RBFOX1: variants seen among roughly 807,000 people sequenced by gnomAD.
RBFOX1 encodes RNA binding fox-1 homolog 1.
RBFOX1 carries 8 observed loss-of-function variants against 57.7 expected under a neutral mutation model. The observed-to-expected ratio is 0.14, with a 90% CI of 0.08 to 0.25. The LOEUF is 0.25. RBFOX1 is among the 10% of genes least tolerant of loss of function. The pLI is 1.00. For missense variants in RBFOX1, 611 were observed against 548.5 expected (o/e 1.11, Z -1.14); for synonymous variants, 326 against 222.4 (o/e 1.47, Z -4.15).
intron 3 of RBFOX1, 133 bp from the exon 4 acceptor site, chr16:7,051,924 A>G (rs538538790): frequency 7.2e-7 from 1 of 1,388,704 alleles, no homozygotes; most frequent in South Asian, 1.3e-5. Context: ...GACCTAAAGA[A>G]AAATTAAATA....
At chr16:7,171,161 T>G (rs1052815314) in intron 4 of RBFOX1, among the ~76,000 whole-genome samples, 1 of 152,208 alleles carries the variant, frequency 6.6e-6, no homozygotes, top group African/African-American at 2.4e-5. Flanking sequence ...CCATTGCCAG[T>G]CGGCAATTGG....
chr16:5,284,512 C>G (rs1240487635), intron 1 of RBFOX1, among the ~76,000 whole-genome samples: 1 of 147,938 alleles, frequency 6.8e-6, no homozygotes, highest in Admixed American at 6.7e-5. Context: ...AACAAACAGT[C>G]TTTTGCTTAT....
chr16:6,729,581 A>G (rs2068034873), intron 3 of RBFOX1, among the ~76,000 whole-genome samples: 1 of 152,138 alleles, frequency 6.6e-6, no homozygotes, highest in Admixed American at 6.5e-5. Flanking sequence ...GAATATTATC[A>G]AAACCCTAGA....
At position 6,889,779 on chromosome 16, in the gene RBFOX1, A is replaced by T. The variant is rs1011157942; in HGVS notation, c.-15-162278A>T. 4.6e-5 allele frequency among the ~76,000 whole-genome samples: 7 copies of T among 152,320 alleles called. 1 individual carries two copies. Among genetic ancestry groups the T allele is most frequent in the Admixed American group, 1.3e-4 (2 of 15,304 alleles). On this transcript the variant is annotated intron_variant, in intron 3 of 15. Coordinates refer to ENST00000550418, the MANE Select transcript of RBFOX1 (RefSeq NM_018723.4). Reference sequence around the variant, plus strand: ...GTGGTAAAAACCAGCATTTTTCCAAAGGTTGGGTGAGATTTTAGGAGTTCT... The same window carrying T: ...GTGGTAAAAACCAGCATTTTTCCAATGGTTGGGTGAGATTTTAGGAGTTCT...
At chr16:6,687,474 A>C (rs1041913886) in intron 3 of RBFOX1, among the ~76,000 whole-genome samples, 7 of 152,174 alleles carry the variant, frequency 4.6e-5, no homozygotes, top group African/African-American at 1.7e-4. Context: ...TAAATAATTA[A>C]ACTTAAAAGT....
chr16:5,514,012 C>T (rs761670123), intron 2 of RBFOX1, among the ~76,000 whole-genome samples: 3 of 152,128 alleles, frequency 2.0e-5, no homozygotes, highest in Non-Finnish European at 4.4e-5. Context: ...ATTATTTACC[C>T]AGATACCTGG....
chr16:6,037,582 T>C (rs2095382654), intron 1 of RBFOX1: 1 of 152,044 alleles, frequency 6.6e-6, no homozygotes. Flanking sequence ...TTTCTTTTTT[T>C]TGTTTTGTTT....
chr16:5,430,984 A>T (rs983529576), intron 1 of RBFOX1, among the ~76,000 whole-genome samples: 2 of 152,222 alleles, frequency 1.3e-5, no homozygotes, highest in Admixed American at 1.3e-4. Flanking sequence ...CTGGTCCCCC[A>T]TCTACTGCTA....
chr16:7,163,615 C>T (rs528831599), intron 4 of RBFOX1, among the ~76,000 whole-genome samples: 1 of 151,788 alleles, frequency 6.6e-6, no homozygotes, highest in African/African-American at 2.4e-5. Flanking sequence ...AAGCTGAGGA[C>T]TTTTTTTTCA....
chr16:6,794,837 C>T (rs1440145101), intron 3 of RBFOX1, among the ~76,000 whole-genome samples: 1 of 152,078 alleles, frequency 6.6e-6, no homozygotes, highest in East Asian at 1.9e-4. Flanking sequence ...GCACTGCTTT[C>T]CAAGGTAATT....
At position 6,899,452 on chromosome 16, in the gene RBFOX1, C is replaced by T. The variant is rs187747394; in HGVS notation, c.-15-152605C>T. The stretch of plus-strand genomic sequence containing the variant: ...TTTTACATTTTTAGTTGGTTGTTTA[C>T]GGCCATTGGTTGGTCTGTCAAGAGC... On this transcript the variant is annotated intron_variant, in intron 3 of 15. Transcript: ENST00000550418. Among the ~76,000 whole-genome samples, 65 of 152,226 alleles carry T rather than the reference C, an allele frequency of 4.3e-4. No individual in the cohort carries two copies. In the East Asian group the frequency reaches 0.01, roughly 24 times the overall value.
chr16:6,308,827 G>T (rs190518514), intron 1 of RBFOX1, among the ~76,000 whole-genome samples: 19 of 152,278 alleles, frequency 1.2e-4, no homozygotes, highest in African/African-American at 4.6e-4. Context: ...GGGGGATGTA[G>T]AGGAACACCA....
intron 3 of RBFOX1, among the ~76,000 whole-genome samples, chr16:6,936,122 G>C (rs1048950456): frequency 3.3e-5 from 5 of 152,190 alleles, no homozygotes; most frequent in East Asian, 1.9e-4. Context: ...CGGGGGTTCA[G>C]CTTCTGTACA....
At chr16:5,461,362 G>C (rs733616) in intron 1 of RBFOX1, among the ~76,000 whole-genome samples, 80,029 of 151,964 alleles carry the variant, frequency 0.53, 22,201 homozygotes, top group East Asian at 0.69. Flanking sequence ...CCTTTCCCCT[G>C]GAGGCACTCA....
rs949487433 is a variant in RBFOX1 at position 6,792,487 on chromosome 16, T to G, written c.-16+137837T>G. ...GACTGGGGTGAGATGAATTCCATAT[T>G]TTTGTGTCATCTACCACCACAAATT... On this transcript the variant is annotated intron_variant, in intron 3 of 15. Transcript: ENST00000550418. Among the ~76,000 whole-genome samples the G allele has an allele frequency of 2.0e-5, 3 of 152,304 alleles. No homozygotes were observed. The South Asian group carries it at 6.2e-4, about 32-fold the overall frequency.
intron 2 of RBFOX1, among the ~76,000 whole-genome samples, chr16:6,340,320 A>T (rs2084371624): frequency 6.6e-6 from 1 of 152,124 alleles, no homozygotes; most frequent in South Asian, 2.1e-4. Flanking sequence ...TACTGGTGTT[A>T]CCGAAAATGG....
At chr16:5,392,793 A>T (rs531884917) in intron 1 of RBFOX1, among the ~76,000 whole-genome samples, 35 of 151,924 alleles carry the variant, frequency 2.3e-4, no homozygotes, top group African/African-American at 8.0e-4. Flanking sequence ...TCTGTTGTAC[A>T]CTCGCCCCTG....
chr16:6,608,588 A>G lies in RBFOX1; in HGVS notation c.-63-46015A>G, dbSNP rs1039411872. Among the ~76,000 whole-genome samples, 25 of 152,288 alleles carry G rather than the reference A, an allele frequency of 1.6e-4. 1 individual carries two copies. Among genetic ancestry groups the G allele is most frequent in the Admixed American group, 1.4e-3 (21 of 15,292 alleles). On this transcript the variant is annotated intron_variant, in intron 2 of 15. Coordinates refer to ENST00000550418, the MANE Select transcript of RBFOX1 (RefSeq NM_018723.4). ...AGAATCGCTTGAGACCAGGAGTTTG[A>G]GATGAGCTTGGGCAACATGGCAAGA...
At chr16:5,388,359 T>C (rs1260285435) in intron 1 of RBFOX1, among the ~76,000 whole-genome samples, 2 of 152,180 alleles carry the variant, frequency 1.3e-5, no homozygotes, top group African/African-American at 4.8e-5. Context: ...ACAAGCTTTT[T>C]CTATAAAGGG....
Sources: gnomAD v4.1 joint callset for allele counts (sites outside exome capture counted in the v4.1 genomes callset) on GRCh38, gnomAD v4.1.1 for gene constraint, MANE v1.5 for transcripts, NCBI Gene and HGNC (gene_info 2026-07-23, HGNC 2026-07-21) for gene names.